Variants in DLGAP2 observed in about 807,000 individuals in gnomAD.
DLGAP2 encodes the protein disks large-associated protein 2.
Under a neutral mutation model 100.3 loss-of-function variants are expected in DLGAP2, and 26 were observed. The observed-to-expected ratio is 0.26, with a 90% CI of 0.19 to 0.36. The LOEUF (loss-of-function observed/expected upper bound fraction) is 0.36. DLGAP2 is among the 10% of genes least tolerant of loss of function. The probability of loss-of-function intolerance (pLI) is 1.00; values close to 1 mark genes in which losing one functional copy is unlikely to be tolerated. For missense variants in DLGAP2, 1,858 were observed against 1,453.2 expected, an observed-to-expected ratio of 1.28 and a Z score of -4.53; for synonymous variants, 886 against 630.1, an observed-to-expected ratio of 1.41 and a Z score of -6.08.
At chr8:855,600 G>A (rs148857787) in intron 1 of DLGAP2, among the ~76,000 whole-genome samples, 276 of 152,290 alleles carry the variant, frequency 1.8e-3, no homozygotes, top group African/African-American at 5.8e-3. Flanking sequence ...AAGTTCCCAC[G>A]TAAGCTTCAG....
chr8:777,220 C>G (rs1433670927), intron 1 of DLGAP2, among the ~76,000 whole-genome samples: 1 of 151,496 alleles, frequency 6.6e-6, no homozygotes, highest in Non-Finnish European at 1.5e-5. Context: ...TTCCTCCATC[C>G]TTTTATTTTG....
chr8:930,218 G>A (rs1448999320), intron 2 of DLGAP2, among the ~76,000 whole-genome samples: 2 of 152,214 alleles, frequency 1.3e-5, no homozygotes, highest in Non-Finnish European at 2.9e-5. Flanking sequence ...CCTGGAGGAA[G>A]CAAAGGCAAG....
intron 2 of DLGAP2, among the ~76,000 whole-genome samples, chr8:1,214,925 G>T (rs369452600): frequency 1.3e-5 from 2 of 152,322 alleles, no homozygotes; most frequent in East Asian, 3.9e-4. Flanking sequence ...TCCCTCCTCT[G>T]GCTGAAACAC....
At chr8:1,298,714 G>C (rs78832572) in intron 3 of DLGAP2, among the ~76,000 whole-genome samples, 2,651 of 152,324 alleles carry the variant, frequency 0.017, 30 homozygotes, top group South Asian at 0.032. Flanking sequence ...GCATGCCAGA[G>C]GGGAACTAGA....
At chr8:1,310,060 A>G (rs1373067246) in intron 3 of DLGAP2, among the ~76,000 whole-genome samples, 5 of 57,898 alleles carry the variant, frequency 8.6e-5, no homozygotes, top group South Asian at 4.2e-4. Flanking sequence ...CTCCATCTCA[A>G]AAAAAAAAAA....
chr8:1,233,142 C>G (rs1240496480), intron 2 of DLGAP2, among the ~76,000 whole-genome samples: 1 of 152,200 alleles, frequency 6.6e-6, no homozygotes, highest in Non-Finnish European at 1.5e-5. Flanking sequence ...TTTTAATGAG[C>G]AAATGACATT....
chr8:827,417 A>G (rs529239527), intron 1 of DLGAP2, among the ~76,000 whole-genome samples: 7 of 152,220 alleles, frequency 4.6e-5, no homozygotes, highest in Non-Finnish European at 7.3e-5. Context: ...ACTTTCAGGA[A>G]TAACAATCAC....
chr8:1,107,368 G>A (rs960145238), intron 2 of DLGAP2, among the ~76,000 whole-genome samples: 2 of 152,152 alleles, frequency 1.3e-5, no homozygotes, highest in East Asian at 1.9e-4. Context: ...CCCCGCACCC[G>A]GGCCTGCCTA....
rs145864898 is a variant in DLGAP2 at position 1,699,048 on chromosome 8, G to C, written c.2949+1749G>C. On this transcript the variant is annotated intron_variant, in intron 14 of 14. Coordinates refer to ENST00000637795, the MANE Select transcript of DLGAP2 (RefSeq NM_001346810.2). The stretch of plus-strand genomic sequence containing the variant: ...CGTGTAAGCCACGGTTTGGATCTGA[G>C]GTGAAGGAGATGATCAGTGATGCTC... 5.2e-3 allele frequency among the ~76,000 whole-genome samples: 794 copies of C among 152,352 alleles called. 16 individuals carry two copies. The East Asian group carries it at 0.062, about 12-fold the overall frequency.
intron 3 of DLGAP2, among the ~76,000 whole-genome samples, chr8:1,325,528 C>A (rs1264298065): frequency 6.6e-6 from 1 of 152,212 alleles, no homozygotes; most frequent in Non-Finnish European, 1.5e-5. Context: ...TGTACGCATA[C>A]ATTGCTAGCT....
chr8:1,514,146 A>G (rs1408162147), intron 4 of DLGAP2, among the ~76,000 whole-genome samples: 5 of 152,266 alleles, frequency 3.3e-5, no homozygotes, highest in Non-Finnish European at 7.3e-5. Flanking sequence ...CAAAGCCTGC[A>G]CCCAATTAGA....
chr8:836,053 C>T (rs546190972), intron 1 of DLGAP2, among the ~76,000 whole-genome samples: 1 of 152,308 alleles, frequency 6.6e-6, no homozygotes, highest in East Asian at 1.9e-4. Flanking sequence ...AGAATAAATG[C>T]CGAGATGTAA....
intron 8 of DLGAP2, among the ~76,000 whole-genome samples, chr8:1,662,939 T>G (rs553189492): frequency 1.4e-4 from 19 of 137,530 alleles, no homozygotes; most frequent in African/African-American, 4.3e-4. Flanking sequence ...TAGTGTGGGG[T>G]GTGTGTGTGT....
intron 3 of DLGAP2, among the ~76,000 whole-genome samples, chr8:1,384,638 G>T (rs868572890): frequency 1.8e-5 from 2 of 111,434 alleles, no homozygotes; most frequent in African/African-American, 6.6e-5. Flanking sequence ...GCCTGTGCCC[G>T]TCCCCTGAGA....
chr8:1,554,287 CTAAA>C (rs1021321431), intron 5 of DLGAP2, among the ~76,000 whole-genome samples: 16 of 135,190 alleles, frequency 1.2e-4, no homozygotes, highest in African/African-American at 2.6e-4. Context: ...GACTCCATCT[CTAAA>C]TAAATAAATT....
intron 3 of DLGAP2, among the ~76,000 whole-genome samples, chr8:1,391,236 C>T (rs919760464): frequency 3.9e-5 from 6 of 152,188 alleles, no homozygotes; most frequent in African/African-American, 1.2e-4. Flanking sequence ...CAAGGCTAGA[C>T]ATTACGAGCT....
chr8:1,064,767 T>C (rs1314907598), intron 2 of DLGAP2, among the ~76,000 whole-genome samples: 5 of 152,324 alleles, frequency 3.3e-5, no homozygotes, highest in East Asian at 3.9e-4. Context: ...ATTTCCTCTC[T>C]CCTTTTATCC....
intron 2 of DLGAP2, among the ~76,000 whole-genome samples, chr8:1,243,202 G>A (rs556300501): frequency 5.3e-5 from 8 of 152,308 alleles, no homozygotes; most frequent in Non-Finnish European, 1.5e-5. Flanking sequence ...AGGGGAGTGA[G>A]GACCCGCCTG....
chr8:1,292,385 C>T (rs998610597), intron 3 of DLGAP2, among the ~76,000 whole-genome samples: 2 of 152,166 alleles, frequency 1.3e-5, no homozygotes, highest in Non-Finnish European at 2.9e-5. Context: ...GCTCATCCTG[C>T]CAGTCAGGGA....
Sources: allele counts gnomAD v4.1 joint callset (sites outside exome capture counted in the v4.1 genomes callset), GRCh38; gene constraint gnomAD v4.1.1; transcripts MANE v1.5; gene names NCBI Gene and HGNC (gene_info 2026-07-23, HGNC 2026-07-21).